Variants in CMSS1 observed in about 807,000 individuals in gnomAD.
CMSS1 encodes cms1 ribosomal small subunit homolog, also known as protein CMSS1.
A neutral mutation model predicts 43.5 loss-of-function variants in CMSS1; 33 were observed. That is an observed-to-expected ratio of 0.76 (90% CI 0.57 to 1.01). The LOEUF is 1.01. Among genes scored for constraint, CMSS1 ranks in the 50% least tolerant of loss-of-function variants. CMSS1 has a pLI of 0.00. For missense variants in CMSS1, 313 were observed against 326.4 expected (o/e 0.96, Z 0.32); for synonymous variants, 115 against 117.2 (o/e 0.98, Z 0.12).
intron 1 of CMSS1, among the ~76,000 whole-genome samples, chr3:100,124,468 G>A (rs2066646963): frequency 6.6e-6 from 1 of 152,204 alleles, no homozygotes; most frequent in South Asian, 2.1e-4. Flanking sequence ...AGAATGATGA[G>A]AGAAAGCAAG....
intron 1 of CMSS1, among the ~76,000 whole-genome samples, chr3:99,861,945 T>C (rs1302545429): frequency 6.6e-6 from 1 of 152,144 alleles, no homozygotes; most frequent in African/African-American, 2.4e-5. Flanking sequence ...TATTAGAGCC[T>C]CCCTCACAAT....
At chr3:99,877,688 A>T (rs146318839) in intron 1 of CMSS1, among the ~76,000 whole-genome samples, 302 of 152,290 alleles carry the variant, frequency 2.0e-3, no homozygotes, top group African/African-American at 6.8e-3. Context: ...ATACTTGTGA[A>T]TTGCATTGTA....
intron 1 of CMSS1, among the ~76,000 whole-genome samples, chr3:100,055,234 C>T (rs1259586038): frequency 1.3e-5 from 2 of 152,186 alleles, no homozygotes; most frequent in Non-Finnish European, 2.9e-5. Context: ...ACAAGAGTAT[C>T]ATCTCAAGCA....
intron 1 of CMSS1, among the ~76,000 whole-genome samples, chr3:100,097,225 T>G (rs576537591): frequency 1.3e-5 from 2 of 152,186 alleles, no homozygotes; most frequent in African/African-American, 4.8e-5. Flanking sequence ...GATGAACAGT[T>G]TCATCCCCAA....
chr3:99,840,221 C>CTTTT (rs10935982), intron 1 of CMSS1, among the ~76,000 whole-genome samples: 51 of 102,112 alleles, frequency 5.0e-4, no homozygotes, highest in South Asian at 7.3e-4. Flanking sequence ...TTCGTAGAAT[C>CTTTT]TTTTTTTTTT....
intron 1 of CMSS1, among the ~76,000 whole-genome samples, chr3:100,107,746 A>G (rs190696489): frequency 1.2e-4 from 18 of 152,164 alleles, no homozygotes; most frequent in African/African-American, 3.9e-4. Context: ...TTATGGAATA[A>G]TTTTGCACTT....
chr3:100,087,004 C>T (rs1361643998), intron 1 of CMSS1, among the ~76,000 whole-genome samples: 1 of 152,168 alleles, frequency 6.6e-6, no homozygotes, highest in Admixed American at 6.5e-5. Context: ...ACTTGAGATA[C>T]TATCCAAATT....
chr3:99,897,641 T>A (rs1706301670), intron 1 of CMSS1, among the ~76,000 whole-genome samples: 1 of 152,202 alleles, frequency 6.6e-6, no homozygotes, highest in Non-Finnish European at 1.5e-5. Flanking sequence ...AAATCCAGAA[T>A]ACTGAAAGTA....
intron 1 of CMSS1, among the ~76,000 whole-genome samples, chr3:100,106,405 C>T (rs766742744): frequency 1.2e-4 from 19 of 152,094 alleles, no homozygotes; most frequent in Non-Finnish European, 2.6e-4. Context: ...ATTTATTAAT[C>T]TCAGGATTAT....
chr3:100,175,713 A>G (rs559318374), intron 8 of CMSS1, among the ~76,000 whole-genome samples: 3 of 152,278 alleles, frequency 2.0e-5, no homozygotes, highest in East Asian at 1.9e-4. Context: ...TCTATGCCCA[A>G]CTGTGAGACA....
intron 3 of CMSS1, among the ~76,000 whole-genome samples, chr3:100,161,574 CAG>C (rs1374824571): frequency 1.3e-5 from 2 of 151,100 alleles, no homozygotes; most frequent in East Asian, 1.9e-4. Context: ...AATCTGGGGT[CAG>C]GGGTGGGGAA....
At chr3:99,983,187 C>T (rs1353260541) in intron 1 of CMSS1, among the ~76,000 whole-genome samples, 2 of 151,442 alleles carry the variant, frequency 1.3e-5, no homozygotes, top group Admixed American at 1.3e-4. Context: ...TGTTATCTAA[C>T]TTCTTTGAAT....
At chr3:99,908,047 T>C (rs543712962) in intron 1 of CMSS1, among the ~76,000 whole-genome samples, 16 of 152,276 alleles carry the variant, frequency 1.1e-4, no homozygotes, top group Non-Finnish European at 2.1e-4. Context: ...GCAATGAGCA[T>C]GGCCAAGGAT....
intron 1 of CMSS1, among the ~76,000 whole-genome samples, chr3:100,140,458 G>A (rs952808983): frequency 6.6e-6 from 1 of 151,618 alleles, no homozygotes. Context: ...AGCTTCTTAG[G>A]CCTGGCTTCT....
intron 1 of CMSS1, among the ~76,000 whole-genome samples, chr3:99,820,200 CTTT>C (rs1185435079): frequency 1.4e-5 from 2 of 144,584 alleles, no homozygotes; most frequent in Admixed American, 7.0e-5. Context: ...AAGACTAACC[CTTT>C]TTTTTTTTTT....
chr3:100,123,868 C>G (rs369459673), intron 1 of CMSS1, among the ~76,000 whole-genome samples: 2 of 152,272 alleles, frequency 1.3e-5, no homozygotes, highest in South Asian at 4.1e-4. Flanking sequence ...TGCCAACTTC[C>G]CAGTGTTCTT....
At chr3:99,853,443 A>G (rs1210556100) in intron 1 of CMSS1, among the ~76,000 whole-genome samples, 5 of 152,208 alleles carry the variant, frequency 3.3e-5, no homozygotes, top group African/African-American at 9.6e-5. Flanking sequence ...CTTAGGATAT[A>G]AGGGAGGGAA....
Position 100,098,167 on chromosome 3 carries a change from C to G in CMSS1, c.65-48806C>G, listed in dbSNP as rs192292219. ...TTGCAGCACAGCCAGCTGAAAGCCT[C>G]CCTGTGATTCCCTCACCAGTTAGCA... On this transcript the variant is annotated intron_variant, in intron 1 of 9. Coordinates refer to ENST00000421999, the MANE Select transcript of CMSS1 (RefSeq NM_032359.4). 3.5e-3 allele frequency among the ~76,000 whole-genome samples: 536 copies of G among 152,246 alleles called. 2 individuals are homozygous for G. The highest frequency in any genetic ancestry group is 0.012 in the African/African-American group (510 of 41,534).
At chr3:99,994,682 G>A (rs1402160696) in intron 1 of CMSS1, among the ~76,000 whole-genome samples, 1 of 152,138 alleles carries the variant, frequency 6.6e-6, no homozygotes, top group African/African-American at 2.4e-5. Context: ...ACATACCTGA[G>A]ACTGGAAAGA....
Sources: gnomAD v4.1 joint callset for allele counts (sites outside exome capture counted in the v4.1 genomes callset) on GRCh38, gnomAD v4.1.1 for gene constraint, MANE v1.5 for transcripts, NCBI Gene and HGNC (gene_info 2026-07-23, HGNC 2026-07-21) for gene names.